The following INTS6 variants were observed in gnomAD, a reference collection of about 807,000 sequenced individuals.
The protein encoded by INTS6 is DEAD box protein.
In INTS6, 16 loss-of-function variants were observed where a neutral mutation model predicts 104.9. The ratio of observed to expected loss-of-function variants is 0.15; its 90% CI spans 0.10 to 0.23. The LOEUF (loss-of-function observed/expected upper bound fraction) is 0.23, where lower values mean the gene tolerates loss of function less well. INTS6 is among the 10% of genes least tolerant of loss of function. INTS6 has a pLI of 1.00. For missense variants in INTS6, 584 were observed against 1,062.8 expected (o/e 0.55, Z 6.26); for synonymous variants, 324 against 358.7 (o/e 0.90, Z 1.09).
intron 12 of INTS6, among the ~76,000 whole-genome samples, chr13:51,377,142 T>C: frequency 6.6e-6 from 1 of 152,196 alleles, no homozygotes; most frequent in East Asian, 1.9e-4. Flanking sequence ...CTGATAAGGC[T>C]GAGTGTTACT....
chr13:51,417,750 C>T (rs1956817773), intron 4 of INTS6, among the ~76,000 whole-genome samples: 1 of 152,162 alleles, frequency 6.6e-6, no homozygotes, highest in South Asian at 2.1e-4. Flanking sequence ...AGCTACTGCA[C>T]CCGGCCAGAA....
the INTS6 span, among the ~76,000 whole-genome samples, chr13:51,347,954 C>T: frequency 4.3e-4 from 60 of 138,526 alleles, no homozygotes; most frequent in African/African-American, 1.4e-3. Flanking sequence ...CATGTGCCAT[C>T]GTCCCCCCCC....
In INTS6 at chr13:51,374,334, T is replaced by C. The variant is rs201476022; in HGVS notation, c.1978A>G (p.Met660Val). The change falls in exon 15 of 18, where the codon ATG becomes GTG. Residue 660 changes from methionine (M) to valine (V), a missense_variant. Coordinates refer to ENST00000311234, the MANE Select transcript of INTS6 (RefSeq NM_012141.3). ...MQGIPKRRRC[M>V]SPLLRGRQQN... Reference sequence around the variant, plus strand: ...TGTCTGCCTCTTAGTAGTGGAGACATACACCGACGTCTTTTAGGGATCCCT... The same window carrying C: ...TGTCTGCCTCTTAGTAGTGGAGACACACACCGACGTCTTTTAGGGATCCCT... The C allele has an allele frequency of 6.2e-7, 1 of 1,614,104 alleles. No homozygotes were observed. Among genetic ancestry groups the C allele is most frequent in the Non-Finnish European group, 8.5e-7 (1 of 1,179,934 alleles).
downstream of INTS6, among the ~76,000 whole-genome samples, chr13:51,359,141 C>T (rs1167047895): frequency 6.6e-5 from 10 of 151,988 alleles, no homozygotes; most frequent in Non-Finnish European, 1.5e-5. Flanking sequence ...GCGTATGTCC[C>T]TCAATGGCAC....
chr13:51,418,058 T>A (rs543855278), intron 4 of INTS6, among the ~76,000 whole-genome samples: 11 of 152,298 alleles, frequency 7.2e-5, no homozygotes, highest in African/African-American at 2.6e-4. Flanking sequence ...AGATGTGAAA[T>A]TACCTTGTAA....
intron 4 of INTS6, among the ~76,000 whole-genome samples, chr13:51,398,212 T>A (rs917748158): frequency 6.6e-6 from 1 of 152,138 alleles, no homozygotes; most frequent in African/African-American, 2.4e-5. Flanking sequence ...GAGGATTGAC[T>A]TACTCCAGGT....
intron 3 of INTS6, chr13:51,449,354 G>GGTAAGCCTTATAGACAA: frequency 1.9e-6 from 1 of 531,512 alleles, no homozygotes; most frequent in Non-Finnish European, 2.4e-6. Context: ...GCAAACTTTT[G>GGTAAGCCTTATAGACAA]GTAAGCCTTA....
At chr13:51,377,101 G>T (rs943795977) in intron 12 of INTS6, among the ~76,000 whole-genome samples, 1 of 152,012 alleles carries the variant, frequency 6.6e-6, no homozygotes, top group Non-Finnish European at 1.5e-5. Flanking sequence ...GTAGTATCTC[G>T]TTATGGTTTT....
At position 51,363,218 on chromosome 13, in the gene INTS6, C is replaced by T. The variant is rs966823531; in HGVS notation, c.*2534G>A. The T allele has an allele frequency of 1.3e-5, 2 of 151,920 alleles. No homozygotes were observed. The highest frequency in any genetic ancestry group is 2.9e-5 in the Non-Finnish European group (2 of 67,890). 9.4% of individuals were successfully genotyped at this position (151,920 alleles called of 1,614,324 possible). A position where few individuals can be genotyped will look rare whatever the true frequency, so the allele number is the denominator to read the frequency against. On this transcript the variant is annotated 3_prime_UTR_variant, in exon 18 of 18. Coordinates refer to ENST00000311234, the MANE Select transcript of INTS6 (RefSeq NM_012141.3). ...AAAATCCTTAAACAAGGAAAAGACA[C>T]ACCACTATTTCAATGGTAGGAGTTT... is the stretch of plus-strand genomic sequence containing the variant.
the INTS6 span, among the ~76,000 whole-genome samples, chr13:51,334,742 G>A: frequency 6.6e-6 from 1 of 152,132 alleles, no homozygotes; most frequent in Non-Finnish European, 1.5e-5. Flanking sequence ...AGCACTTTGG[G>A]AGGCCGAGGC....
chr13:51,428,729 A>G (rs950331976), intron 4 of INTS6, among the ~76,000 whole-genome samples: 2 of 152,188 alleles, frequency 1.3e-5, no homozygotes, highest in African/African-American at 4.8e-5. Context: ...AACAAAGCCC[A>G]AAAGCCCATC....
intron 4 of INTS6, among the ~76,000 whole-genome samples, chr13:51,424,725 A>G (rs561239087): frequency 1.2e-4 from 19 of 152,148 alleles, no homozygotes; most frequent in African/African-American, 4.1e-4. Context: ...ACAAGAGCTA[A>G]TCTTCAGATT....
At chr13:51,358,190 T>TA (rs2137816035), downstream of INTS6, among the ~76,000 whole-genome samples, 2 of 152,198 alleles carry the variant, frequency 1.3e-5, no homozygotes, top group East Asian at 3.9e-4. Context: ...CCCTAACACT[T>TA]AGTGTTAGCA....
chr13:51,374,456 T>A lies in INTS6; in HGVS notation c.1873-17A>T. ...CATCATACCCTTTAGCAAAAAAGAATACAACTTTCTTGAATTTACAAACAA... is the reference window on the plus strand; with the variant it reads ...CATCATACCCTTTAGCAAAAAAGAAAACAACTTTCTTGAATTTACAAACAA... On this transcript the variant is annotated splice_polypyrimidine_tract_variant and intron_variant, in intron 14 of 17. Transcript: ENST00000311234. The A allele has an allele frequency of 6.3e-7, 1 of 1,581,126 alleles. No homozygotes were observed. The highest frequency in any genetic ancestry group is 1.1e-5 in the South Asian group (1 of 90,504).
In INTS6 at chr13:51,362,285, C is replaced by T. The variant is rs1479723584; in HGVS notation, c.*3467G>A. 2 of 293,746 alleles carry T rather than the reference C, an allele frequency of 6.8e-6. No individual in the cohort carries two copies. Among genetic ancestry groups the T allele is most frequent in the Admixed American group, 1.0e-4 (2 of 19,460 alleles). 18.2% of individuals were successfully genotyped at this position (293,746 alleles called of 1,614,324 possible). A position where few individuals can be genotyped will look rare whatever the true frequency, so the allele number is the denominator to read the frequency against. ...GTTTTTTCAGGTCACTAGAGTACAC[C>T]AGAGTAGTCCTCTTGTGATCCTAGT... On this transcript the variant is annotated 3_prime_UTR_variant, in exon 18 of 18. Coordinates refer to ENST00000311234, the MANE Select transcript of INTS6 (RefSeq NM_012141.3).
downstream of INTS6, among the ~76,000 whole-genome samples, chr13:51,360,576 G>T (rs1023490468): frequency 6.6e-6 from 1 of 152,000 alleles, no homozygotes; most frequent in Non-Finnish European, 1.5e-5. Flanking sequence ...TTATCACTTA[G>T]TCCTATTTGC....
At chr13:51,445,777 C>A (rs925250661) in intron 3 of INTS6, 2 of 152,128 alleles carry the variant, frequency 1.3e-5, no homozygotes, top group Non-Finnish European at 2.9e-5. Flanking sequence ...TCTCCACCAA[C>A]AAAAATTATT....
intron 15 of INTS6, 90 bp from the exon 16 acceptor site, chr13:51,369,400 T>C (rs1342669277): frequency 1.5e-6 from 2 of 1,305,222 alleles, no homozygotes; most frequent in African/African-American, 1.5e-5. Flanking sequence ...CTACAGCAAG[T>C]CAACTGTTTT....
the INTS6 span, chr13:51,348,167 C>A: frequency 1.4e-6 from 2 of 1,452,150 alleles, no homozygotes; most frequent in Admixed American, 2.0e-5. Flanking sequence ...GGTTCATTCT[C>A]CTGGCTCCTG....
Sources: allele counts gnomAD v4.1 joint callset (sites outside exome capture counted in the v4.1 genomes callset), GRCh38; gene constraint gnomAD v4.1.1; transcripts MANE v1.5; gene names NCBI Gene and HGNC (gene_info 2026-07-23, HGNC 2026-07-21).